Variants in ARHGAP25 observed in about 807,000 individuals in gnomAD.
ARHGAP25 encodes the protein rho GTPase-activating protein 25.
A neutral mutation model predicts 71.0 loss-of-function variants in ARHGAP25; 34 were observed. The observed-to-expected ratio is 0.48, with a 90% CI of 0.36 to 0.64. ARHGAP25 has a LOEUF of 0.64. Among genes scored for constraint, ARHGAP25 ranks in the 30% least tolerant of loss-of-function variants. The pLI is 0.00. For synonymous variants in ARHGAP25, 282 were observed against 296.5 expected (o/e 0.95, Z 0.50); for missense variants, 706 against 805.1 (o/e 0.88, Z 1.49).
intron 1 of ARHGAP25, among the ~76,000 whole-genome samples, chr2:68,773,100 C>T (rs1001980478): frequency 1.3e-5 from 2 of 152,102 alleles, no homozygotes; most frequent in African/African-American, 4.8e-5. Context: ...GAACTCAGAC[C>T]CCTTGTGAGG....
At chr2:68,751,176 C>T (rs1676147682) in intron 1 of ARHGAP25, among the ~76,000 whole-genome samples, 1 of 152,138 alleles carries the variant, frequency 6.6e-6, no homozygotes, top group Non-Finnish European at 1.5e-5. Context: ...GATGCTCATC[C>T]TCACGCTGAG....
In ARHGAP25 at chr2:68,784,175, T is replaced by TTC. The variant is rs549919568; in HGVS notation, c.349+1870_349+1871dup. Among the ~76,000 whole-genome samples, 337 of 150,296 alleles carry TTC rather than the reference T, an allele frequency of 2.2e-3. 3 individuals carry two copies. The highest frequency in any genetic ancestry group is 7.7e-3 in the African/African-American group (314 of 40,780). On this transcript the variant is annotated intron_variant, in intron 3 of 10. Transcript: ENST00000409202. ...TCTCTCTTTCGCTCTCTCTCTCTCT[T>TTC]TCTCTCTCTCTCTCTCACACACACA... is the stretch of plus-strand genomic sequence containing the variant.
chr2:68,724,203 C>T (rs1242728465), intron 2 of ARHGAP25, among the ~76,000 whole-genome samples: 2 of 152,062 alleles, frequency 1.3e-5, no homozygotes, highest in African/African-American at 2.4e-5. Flanking sequence ...CTTCTTTCTT[C>T]CAGGGAGAAA....
chr2:68,819,348 A>T, intron 9 of ARHGAP25, 29 bp downstream of exon 9: 1 of 1,611,222 alleles, frequency 6.2e-7, no homozygotes, highest in Non-Finnish European at 8.5e-7. Flanking sequence ...TCCTGCTTCC[A>T]TTGGGTTCTT....
chr2:68,811,621 A>T (rs1680825566), intron 5 of ARHGAP25, among the ~76,000 whole-genome samples: 1 of 147,948 alleles, frequency 6.8e-6, no homozygotes, highest in Non-Finnish European at 1.5e-5. Context: ...TCTCCTATTG[A>T]GGTAGAGTTC....
At chr2:68,775,049 T>G in intron 1 of ARHGAP25, 172 bp from the exon 2 acceptor site, 1 of 1,521,246 alleles carries the variant, frequency 6.6e-7, no homozygotes, top group East Asian at 2.3e-5. Flanking sequence ...CCTCGGCTGC[T>G]TCTCTGGCTC....
intron 2 of ARHGAP25, among the ~76,000 whole-genome samples, chr2:68,778,540 T>C (rs1159576542): frequency 6.6e-6 from 1 of 152,214 alleles, no homozygotes; most frequent in Non-Finnish European, 1.5e-5. Context: ...ACAAACATCC[T>C]ATCCCCCAAG....
At chr2:68,750,418 G>T (rs1198578414) in intron 1 of ARHGAP25, among the ~76,000 whole-genome samples, 1 of 150,752 alleles carries the variant, frequency 6.6e-6, no homozygotes, top group Non-Finnish European at 1.5e-5. Context: ...TGCCTCCCTA[G>T]TTCAAGCGAT....
intron 1 of ARHGAP25, among the ~76,000 whole-genome samples, chr2:68,773,187 T>G (rs2104369087): frequency 6.6e-6 from 1 of 152,240 alleles, no homozygotes; most frequent in Admixed American, 6.5e-5. Flanking sequence ...GGAAATAGGG[T>G]GATAACTCCA....
At chr2:68,737,369 T>G (rs552227177) in intron 1 of ARHGAP25, among the ~76,000 whole-genome samples, 1 of 152,338 alleles carries the variant, frequency 6.6e-6, no homozygotes, top group Admixed American at 6.5e-5. Context: ...GCTGACAATC[T>G]GTGGTTTTAA....
At chr2:68,803,034 G>T (rs1045463405) in intron 4 of ARHGAP25, among the ~76,000 whole-genome samples, 1 of 151,538 alleles carries the variant, frequency 6.6e-6, no homozygotes, top group Non-Finnish European at 1.5e-5. Context: ...GAGAGATCTG[G>T]ACCAGATATG....
intron 1 of ARHGAP25, among the ~76,000 whole-genome samples, chr2:68,772,064 T>C (rs182322239): frequency 6.6e-6 from 1 of 152,374 alleles, no homozygotes; most frequent in African/African-American, 2.4e-5. Context: ...TTTGTTTTTC[T>C]TATAGTTGTT....
chr2:68,719,047 A>G (rs1036191216), intron 2 of ARHGAP25, among the ~76,000 whole-genome samples: 3 of 152,174 alleles, frequency 2.0e-5, no homozygotes, highest in Non-Finnish European at 4.4e-5. Context: ...ACATCCATGT[A>G]CCAGAAGTGT....
chr2:68,715,264 C>T (rs938950318), intron 2 of ARHGAP25, among the ~76,000 whole-genome samples: 3 of 152,174 alleles, frequency 2.0e-5, no homozygotes, highest in African/African-American at 7.2e-5. Context: ...CTACCCCAGA[C>T]TTATGGAATC....
intron 1 of ARHGAP25, among the ~76,000 whole-genome samples, chr2:68,741,922 C>T (rs1437594371): frequency 6.6e-6 from 1 of 152,206 alleles, no homozygotes; most frequent in African/African-American, 2.4e-5. Context: ...AGTCACTCAT[C>T]ATAAAACATG....
intron 1 of ARHGAP25, chr2:68,774,761 G>A (rs1677744331): frequency 9.8e-7 from 1 of 1,023,564 alleles, no homozygotes; most frequent in Non-Finnish European, 1.2e-6. Context: ...AGAGTGCCCA[G>A]GCAGCTTCCG....
At chr2:68,748,888 G>A (rs1161455197) in intron 1 of ARHGAP25, among the ~76,000 whole-genome samples, 1 of 152,178 alleles carries the variant, frequency 6.6e-6, no homozygotes, top group Non-Finnish European at 1.5e-5. Context: ...TGAAACTCAA[G>A]TGTGGGCAGA....
At position 68,818,013 on chromosome 2, in the gene ARHGAP25, T is replaced by G. The variant is rs1681356561; in HGVS notation, c.1003+19T>G. The G allele has an allele frequency of 6.2e-7, 1 of 1,613,476 alleles. No individual in the cohort carries two copies. Among genetic ancestry groups the G allele is most frequent in the African/African-American group, 1.3e-5 (1 of 74,914 alleles). On this transcript the variant is annotated intron_variant, in intron 8 of 10. Transcript: ENST00000409202. ...ATGAGAGGTATGGCTGGTCCCGTAG[T>G]GAAAGCAGGTACCCAGGAAATAACA...
At chr2:68,820,517 G>A (rs1304124709) in intron 9 of ARHGAP25, among the ~76,000 whole-genome samples, 3 of 152,184 alleles carry the variant, frequency 2.0e-5, no homozygotes, top group African/African-American at 7.2e-5. Context: ...AAAGGTTAAA[G>A]GGAGGGCTCG....
Sources: gnomAD v4.1 joint callset for allele counts (sites outside exome capture counted in the v4.1 genomes callset) on GRCh38, gnomAD v4.1.1 for gene constraint, MANE v1.5 for transcripts, NCBI Gene and HGNC (gene_info 2026-07-23, HGNC 2026-07-21) for gene names.